POLQ: variants seen among roughly 807,000 people sequenced by gnomAD.
POLQ encodes DNA polymerase theta, also known as epididymis secretory sperm binding protein.
A neutral mutation model predicts 259.2 loss-of-function variants in POLQ; 233 were observed. The observed-to-expected ratio is 0.90, with a 90% CI of 0.81 to 1.00. The LOEUF (loss-of-function observed/expected upper bound fraction) is 1.00, where lower values mean the gene tolerates loss of function less well. POLQ is among the 50% of genes least tolerant of loss of function. The pLI is 0.00. For missense variants in POLQ, 2,871 were observed against 3,051.6 expected (o/e 0.94, Z 1.39); for synonymous variants, 1,025 against 1,048.8 (o/e 0.98, Z 0.44).
At chr3:121,433,232 AAAG>A (rs759413364) in intron 28 of POLQ, among the ~76,000 whole-genome samples, 199 bp from the exon 29 acceptor site, 1 of 152,200 alleles carries the variant, frequency 6.6e-6, no homozygotes, top group African/African-American at 2.4e-5. Context: ...TTCCTCCTAG[AAAG>A]AAGGAGTCTC....
intron 19 of POLQ, among the ~76,000 whole-genome samples, chr3:121,479,555 G>A (rs779820067): frequency 4.1e-4 from 63 of 152,064 alleles, no homozygotes; most frequent in Middle Eastern, 6.8e-3. Flanking sequence ...CTCCGCCTCC[G>A]GTATTCTCGT....
chr3:121,500,081 G>T (rs1435894290), intron 12 of POLQ, among the ~76,000 whole-genome samples: 1 of 152,078 alleles, frequency 6.6e-6, no homozygotes, highest in African/African-American at 2.4e-5. Flanking sequence ...AGGAGTTTGA[G>T]ATCAGCATGG....
Position 121,487,529 on chromosome 3 carries a change from T to C in POLQ, c.5402A>G (p.Asp1801Gly). The C allele has an allele frequency of 6.2e-7, 1 of 1,614,110 alleles. No individual in the cohort carries two copies. Among genetic ancestry groups the C allele is most frequent in the South Asian group, 1.1e-5 (1 of 91,086 alleles). The change falls in exon 16 of 30, where the codon GAC (aspartate) becomes GGC (glycine). Residue 1801 changes from aspartate to glycine, a missense_variant. By Grantham distance (94) the Asp-to-Gly change is moderately conservative (BLOSUM62 -1). This residue lies in a region of POLQ where 2,080 missense variants were observed against 2,126.0 expected (regional missense o/e 0.98). Coordinates refer to ENST00000264233, the MANE Select transcript of POLQ (RefSeq NM_199420.4). ...NGFKDNSPIS[D>G]TSFSLQLSQD... ...TGATAACTGAAGTGAAAAGCTTGTG[T>C]CACTAATAGGGCTGTTGTCTTTGAA...
Position 121,498,547 on chromosome 3 carries a change from C to T in POLQ, c.2083G>A (p.Ala695Thr). The T allele has an allele frequency of 6.2e-7, 1 of 1,614,096 alleles. No individual in the cohort carries two copies. The highest frequency in any genetic ancestry group is 1.1e-5 in the South Asian group (1 of 91,086). Residue 695 changes from alanine (A) to threonine (T), a missense_variant, in exon 13 of 30, where the codon GCC (alanine) becomes ACC (threonine). Coordinates refer to ENST00000264233, the MANE Select transcript of POLQ (RefSeq NM_199420.4). ...ELVGVEEGFL[A>T]RCVKGKVVAR... ...ACTACTTTTCCTTTCACACAACGGG[C>T]CAAGAACCCCTCTTCAACTCCCACT...
At position 121,454,025 on chromosome 3, in the gene POLQ, C is replaced by T. The variant is rs912872722; in HGVS notation, c.7153-4599G>A. Among the ~76,000 whole-genome samples, 5 of 152,288 alleles carry T rather than the reference C, an allele frequency of 3.3e-5. No individual in the cohort carries two copies. In the South Asian group the frequency reaches 8.3e-4, roughly 25 times the overall value. ...AAAGGGAAGCCCATCAGACTAACAG[C>T]GGATCTCTCGGCAGAAACTCTACAA... On this transcript the variant is annotated intron_variant, in intron 25 of 29. Transcript: ENST00000264233.
chr3:121,494,443 G>A, intron 14 of POLQ: 1 of 1,523,832 alleles, frequency 6.6e-7, no homozygotes, highest in Non-Finnish European at 9.1e-7. Context: ...AGAAGAAGCA[G>A]AGGCTGTTGG....
intron 18 of POLQ, among the ~76,000 whole-genome samples, chr3:121,482,826 G>A (rs1303550754): frequency 6.6e-6 from 1 of 152,074 alleles, no homozygotes; most frequent in Non-Finnish European, 1.5e-5. Flanking sequence ...GTTTTATAGG[G>A]GAATATTGAG....
rs148287626 is a variant in POLQ, at chr3:121,487,623, C to A, written c.5308G>T (p.Glu1770Ter). The A allele has an allele frequency of 1.2e-6, 2 of 1,613,794 alleles. No homozygotes were observed. Among genetic ancestry groups the A allele is most frequent in the African/African-American group, 2.7e-5 (2 of 74,898 alleles). Reference protein sequence around the residue: ...WKTNNVLQPGESYLFGSPSDI... With the variant: ...WKTNNVLQPG ...GAAGGTGAGCCAAATAAATAACTTTCACCAGGTTGTAAAACATTATTAGTT... is the reference window on the plus strand; with the variant it reads ...GAAGGTGAGCCAAATAAATAACTTTAACCAGGTTGTAAAACATTATTAGTT... The change falls in exon 16 of 30, where the codon GAA (glutamate) becomes TAA (stop). Residue 1770 changes from glutamate to a stop codon, truncating the protein, a stop_gained. Transcript: ENST00000264233. LOFTEE classifies it high-confidence loss of function.
At position 121,492,729 on chromosome 3, in the gene POLQ, G is replaced by A. The variant is rs61796947; in HGVS notation, c.2522+749C>T. ...GGGCTCACTGCAGCCTCGACCTCCC[G>A]GGCTCAACCAACTCTCCAGCCTCAC... On this transcript the variant is annotated intron_variant, in intron 15 of 29. Transcript: ENST00000264233. Among the ~76,000 whole-genome samples the A allele has an allele frequency of 3.5e-3, 531 of 150,330 alleles. 1 individual carries two copies. The highest frequency in any genetic ancestry group is 5.0e-3 in the Non-Finnish European group (341 of 67,726).
At chr3:121,492,647 T>C (rs2048077968) in intron 15 of POLQ, among the ~76,000 whole-genome samples, 1 of 151,944 alleles carries the variant, frequency 6.6e-6, no homozygotes, top group Non-Finnish European at 1.5e-5. Context: ...CTTTTTTTTT[T>C]TTTTTTGAGA....
intron 25 of POLQ, among the ~76,000 whole-genome samples, chr3:121,455,327 A>G (rs552954364): frequency 6.9e-6 from 1 of 144,086 alleles, no homozygotes; most frequent in Admixed American, 7.0e-5. Flanking sequence ...AAAGAACTAG[A>G]AAAGCAAGAG....
At chr3:121,465,426 G>C (rs1003398008) in intron 24 of POLQ, among the ~76,000 whole-genome samples, 2 of 152,100 alleles carry the variant, frequency 1.3e-5, no homozygotes, top group African/African-American at 4.8e-5. Context: ...AACAACTTGG[G>C]CGTGTGATCT....
chr3:121,489,088 C>T lies in POLQ; in HGVS notation c.3843G>A (p.Gln1281=). 6.2e-7 allele frequency: 1 copy of T among 1,613,514 alleles called. No homozygotes were observed. The highest frequency in any genetic ancestry group is 8.5e-7 in the Non-Finnish European group (1 of 1,179,512). The change falls in exon 16 of 30, where the codon CAG becomes CAA. Residue 1281 remains glutamine, a synonymous_variant. Coordinates refer to ENST00000264233, the MANE Select transcript of POLQ (RefSeq NM_199420.4). ...TAGAAATATTTAGAAAATTCTCATGCTGGCCTTCTGATTTGCTAAATGCTC... is the reference window on the plus strand; with the variant it reads ...TAGAAATATTTAGAAAATTCTCATGTTGGCCTTCTGATTTGCTAAATGCTC... ...SAGAFSKSEG[Q]HENFLNISRL...
chr3:121,465,019 C>T (rs2047823732), intron 24 of POLQ, among the ~76,000 whole-genome samples: 1 of 151,664 alleles, frequency 6.6e-6, no homozygotes, highest in African/African-American at 2.4e-5. Context: ...CTTTGTCAAT[C>T]AGATGCAATT....
intron 25 of POLQ, among the ~76,000 whole-genome samples, chr3:121,451,394 CT>C (rs2047675168): frequency 6.6e-6 from 1 of 152,198 alleles, no homozygotes. Context: ...CTTTTCTGCT[CT>C]GTTTTTTCCC....
intron 3 of POLQ, among the ~76,000 whole-genome samples, chr3:121,540,402 C>A (rs1199748413): frequency 6.6e-6 from 1 of 152,192 alleles, no homozygotes; most frequent in Non-Finnish European, 1.5e-5. Flanking sequence ...ATTTCTTTAA[C>A]AATCAGTATA....
At chr3:121,525,603 A>G (rs1032637644) in intron 7 of POLQ, among the ~76,000 whole-genome samples, 18 of 152,186 alleles carry the variant, frequency 1.2e-4, no homozygotes, top group African/African-American at 4.1e-4. Flanking sequence ...AAATGTTTAT[A>G]TACGGTACCA....
Position 121,533,183 on chromosome 3 carries a change from G to C in POLQ, c.767C>G (p.Ser256Cys), listed in dbSNP as rs748504947. ...SCQADLASSL[S>C]NAVQIVGMSA... is the part of the protein sequence containing the mutation. ...CATGCCAACGATTTGCACAGCATTA[G>C]ACAGAGAACTGGCTAGATCTGCCTG... Residue 256 changes from serine to cysteine, a missense_variant, in exon 6 of 30, where the codon TCT becomes TGT. Ser to Cys is a moderately radical substitution (Grantham distance 112). Transcript: ENST00000264233. The C allele has an allele frequency of 6.2e-7, 1 of 1,607,688 alleles. No individual in the cohort carries two copies. Among genetic ancestry groups the C allele is most frequent in the Non-Finnish European group, 8.5e-7 (1 of 1,176,946 alleles).
At position 121,533,021 on chromosome 3, in the gene POLQ, A is replaced by C. The variant is rs55748151; in HGVS notation, c.929T>G (p.Val310Gly). 8.5e-3 allele frequency: 13,783 copies of C among 1,612,436 alleles called. 282 individuals are homozygous for C. In the East Asian group the frequency reaches 0.096, roughly 11 times the overall value. Residue 310 changes from valine to glycine, a missense_variant, in exon 6 of 30, where the codon GTG (valine) becomes GGG (glycine). By Grantham distance (109) the Val-to-Gly change is moderately radical. This residue lies in a region of POLQ where 783 missense variants were observed against 906.2 expected (regional missense o/e 0.86). Coordinates refer to ENST00000264233, the MANE Select transcript of POLQ (RefSeq NM_199420.4). ...NSIYDSSMKL[V>G]REFEPMLQVK... Reference sequence around the variant, plus strand: ...TTGTAGCATGGGCTCAAATTCCCTCACAAGTTTCATTGAAGAGTCATATAT... The same window carrying C: ...TTGTAGCATGGGCTCAAATTCCCTCCCAAGTTTCATTGAAGAGTCATATAT...
Sources: gnomAD v4.1 joint callset for allele counts (sites outside exome capture counted in the v4.1 genomes callset) on GRCh38, gnomAD v4.1.1 for gene constraint, gnomAD v4.1.1 regional missense constraint, MANE v1.5 for transcripts, NCBI Gene and HGNC (gene_info 2026-07-23, HGNC 2026-07-21) for gene names.